The following PTBP2 variants were observed in gnomAD, a reference collection of about 807,000 sequenced individuals.
The protein encoded by PTBP2 is polypyrimidine tract-binding protein 2.
In PTBP2, 13 loss-of-function variants were observed where a neutral mutation model predicts 61.4. The observed-to-expected ratio is 0.21, with a 90% CI of 0.14 to 0.34. The LOEUF is 0.34. Among genes scored for constraint, PTBP2 ranks in the 10% least tolerant of loss-of-function variants. The pLI is 1.00. For missense variants in PTBP2, 405 were observed against 642.6 expected (o/e 0.63, Z 4.00); for synonymous variants, 215 against 218.5 (o/e 0.98, Z 0.14).
chr1:96,795,362 C>T (rs1053953387), intron 8 of PTBP2, among the ~76,000 whole-genome samples: 3 of 152,216 alleles, frequency 2.0e-5, no homozygotes, highest in African/African-American at 7.2e-5. Flanking sequence ...TGGCATCTTA[C>T]TGATGTGATT....
intron 11 of PTBP2, among the ~76,000 whole-genome samples, chr1:96,807,634 A>G (rs1227099804): frequency 6.6e-6 from 1 of 152,194 alleles, no homozygotes; most frequent in Non-Finnish European, 1.5e-5. Context: ...GACTGATTGT[A>G]TTCACATTGT....
rs1570880174 is a variant in PTBP2 at position 96,769,754 on chromosome 1, C to T, written c.167C>T (p.Ala56Val). 1.2e-6 allele frequency: 2 copies of T among 1,608,426 alleles called. No homozygotes were observed. The highest frequency in any genetic ancestry group is 1.3e-5 in the African/African-American group (1 of 74,640). Residue 56 changes from alanine to valine, a missense_variant, in exon 4 of 14, where the codon GCT (alanine) becomes GTT (valine). Transcript: ENST00000674951. Reference protein sequence around the residue: ...KFKGEDKMDGAPSRVLHIRKL... With the variant: ...KFKGEDKMDGVPSRVLHIRKL... ...AAAGGAGAAGATAAAATGGATGGTGCTCCTTCTCGTGTACTTCATATTCGA... is the reference window on the plus strand; with the variant it reads ...AAAGGAGAAGATAAAATGGATGGTGTTCCTTCTCGTGTACTTCATATTCGA...
At chr1:96,815,195 GTT>G (rs10572352), downstream of PTBP2, 77,606 of 143,864 alleles carry the variant, frequency 0.54, 20,796 homozygotes, top group East Asian at 0.66. Context: ...TGTTCTTGTT[GTT>G]TTTTTTTTTT....
At chr1:96,790,985 T>G (rs1659726557) in intron 8 of PTBP2, among the ~76,000 whole-genome samples, 1 of 150,618 alleles carries the variant, frequency 6.6e-6, no homozygotes, top group Admixed American at 6.6e-5. Context: ...ACCAATAGAT[T>G]ATAAATCACT....
chr1:96,809,587 A>T (rs1661841227), intron 11 of PTBP2, among the ~76,000 whole-genome samples: 1 of 152,084 alleles, frequency 6.6e-6, no homozygotes, highest in Non-Finnish European at 1.5e-5. Flanking sequence ...ATTGTGGCTC[A>T]CTGCAGCCTC....
Position 96,767,549 on chromosome 1 carries a change from A to G in PTBP2, c.116-2154A>G, listed in dbSNP as rs1307025818. 3.9e-5 allele frequency among the ~76,000 whole-genome samples: 6 copies of G among 152,292 alleles called. No individual in the cohort carries two copies. In the South Asian group the frequency reaches 8.3e-4, roughly 21 times the overall value. ...ACAAACTAATGAACAAGAACAAATTATCAAGTTTCTGTACTCAGACTGCTT... is the reference window on the plus strand; with the variant it reads ...ACAAACTAATGAACAAGAACAAATTGTCAAGTTTCTGTACTCAGACTGCTT... On this transcript the variant is annotated intron_variant, in intron 3 of 13. Transcript: ENST00000674951.
chr1:96,725,834 C>T (rs1650372359), intron 2 of PTBP2, among the ~76,000 whole-genome samples: 1 of 151,706 alleles, frequency 6.6e-6, no homozygotes, highest in South Asian at 2.1e-4. Context: ...AATCCCAGCA[C>T]TTTGGGAGGC....
At chr1:96,738,295 TTTTG>T (rs1181612020) in intron 2 of PTBP2, among the ~76,000 whole-genome samples, 4 of 152,116 alleles carry the variant, frequency 2.6e-5, no homozygotes, top group South Asian at 4.1e-4. Context: ...GGTGAGTTTT[TTTTG>T]TTTGTTTGTT....
At chr1:96,736,816 A>G (rs1264726299) in intron 2 of PTBP2, among the ~76,000 whole-genome samples, 1 of 151,614 alleles carries the variant, frequency 6.6e-6, no homozygotes, top group Non-Finnish European at 1.5e-5. Context: ...AGCTGGGACT[A>G]CAGTTGTGTG....
chr1:96,737,956 A>G (rs578112974), intron 2 of PTBP2, among the ~76,000 whole-genome samples: 3 of 152,136 alleles, frequency 2.0e-5, no homozygotes, highest in African/African-American at 4.8e-5. Flanking sequence ...TAAGGCTTCT[A>G]ATCTTCATTT....
chr1:96,721,990 A>G, intron 1 of PTBP2, 118 bp downstream of exon 1: 1 of 1,335,250 alleles, frequency 7.5e-7, no homozygotes, highest in South Asian at 1.3e-5. Context: ...GGCTGCCGTT[A>G]CCCAACCCCC....
chr1:96,819,442 C>T (rs1338983530), downstream of PTBP2: 1 of 152,114 alleles, frequency 6.6e-6, no homozygotes. Context: ...CCCCATTTCT[C>T]TCTCAACCTT....
At chr1:96,806,830 C>T in intron 10 of PTBP2, 36 bp from the exon 11 acceptor site, 2 of 1,504,202 alleles carry the variant, frequency 1.3e-6, no homozygotes, top group East Asian at 4.6e-5. Context: ...AAAATTAATT[C>T]CATTTTTGGA....
intron 2 of PTBP2, among the ~76,000 whole-genome samples, chr1:96,733,896 G>C (rs867497523): frequency 5.3e-5 from 8 of 152,262 alleles, no homozygotes; most frequent in African/African-American, 1.4e-4. Context: ...TCTCCAAAAA[G>C]ATTGGCTTCA....
chr1:96,766,094 ACT>A (rs1656675239), intron 3 of PTBP2, among the ~76,000 whole-genome samples: 3 of 152,148 alleles, frequency 2.0e-5, no homozygotes, highest in African/African-American at 7.2e-5. Context: ...AAAGTGATGT[ACT>A]GATCAGAGGT....
chr1:96,733,021 CTT>C (rs35353502), intron 2 of PTBP2, among the ~76,000 whole-genome samples: 108 of 139,278 alleles, frequency 7.8e-4, no homozygotes, highest in Non-Finnish European at 6.7e-4. Context: ...TTCTTTCTTT[CTT>C]TTTTTTTTTT....
At chr1:96,731,462 T>G (rs1464929851) in intron 2 of PTBP2, among the ~76,000 whole-genome samples, 2 of 152,312 alleles carry the variant, frequency 1.3e-5, no homozygotes, top group South Asian at 2.1e-4. Flanking sequence ...TGCCTGTTTG[T>G]GTACTGGACC....
At chr1:96,801,289 T>A (rs1032100022) in intron 8 of PTBP2, among the ~76,000 whole-genome samples, 3 of 152,168 alleles carry the variant, frequency 2.0e-5, no homozygotes, top group African/African-American at 7.2e-5. Context: ...TTACAGCATT[T>A]TCTTTTATTT....
chr1:96,809,547 C>G lies in PTBP2; in HGVS notation c.1171+2589C>G, dbSNP rs150882041. 8.2e-3 allele frequency among the ~76,000 whole-genome samples: 1,255 copies of G among 152,208 alleles called. 10 individuals carry two copies. The highest frequency in any genetic ancestry group is 0.027 in the African/African-American group (1,134 of 41,542). On this transcript the variant is annotated intron_variant, in intron 11 of 13. Transcript: ENST00000674951. ...TTTGTTTTTGAGCCAGTGTCTTGCT[C>G]TGTCCCCCAGGGTGGAGTGCAGTGG...
Sources: gnomAD v4.1 joint callset for allele counts (sites outside exome capture counted in the v4.1 genomes callset) on GRCh38, gnomAD v4.1.1 for gene constraint, MANE v1.5 for transcripts, NCBI Gene and HGNC (gene_info 2026-07-23, HGNC 2026-07-21) for gene names.